TRIM52: variants seen among roughly 807,000 people sequenced by gnomAD.
TRIM52 encodes E3 ubiquitin-protein ligase TRIM52.
A neutral mutation model predicts 27.0 loss-of-function variants in TRIM52; 24 were observed. The ratio of observed to expected loss-of-function variants is 0.89; its 90% CI spans 0.64 to 1.25. The LOEUF (loss-of-function observed/expected upper bound fraction) is 1.25, where lower values mean the gene tolerates loss of function less well. Among genes scored for constraint, TRIM52 ranks in the 50% most tolerant of loss-of-function variants. The pLI is 0.00. For missense variants in TRIM52, 351 were observed against 354.7 expected (o/e 0.99, Z 0.08); for synonymous variants, 125 against 126.5 (o/e 0.99, Z 0.08).
downstream of TRIM52, among the ~76,000 whole-genome samples, chr5:181,251,997 T>C (rs556969503): frequency 6.6e-6 from 1 of 152,324 alleles, no homozygotes; most frequent in East Asian, 1.9e-4. Context: ...AGGCTCCAGC[T>C]CTAGCCCCAG....
At chr5:181,258,883 A>G (rs906434362) in intron 1 of TRIM52, 5 of 152,212 alleles carry the variant, frequency 3.3e-5, no homozygotes, top group Admixed American at 1.3e-4. Flanking sequence ...TGGTCAAAAA[A>G]CAATTTGAAA....
At chr5:181,258,256 G>A (rs1383366630) in intron 1 of TRIM52, 6 of 152,126 alleles carry the variant, frequency 3.9e-5, no homozygotes, top group Non-Finnish European at 4.4e-5. Context: ...TGGGCATGGT[G>A]GCATGTGCCT....
At chr5:181,257,139 C>A in intron 1 of TRIM52, 2 of 1,102,476 alleles carry the variant, frequency 1.8e-6, no homozygotes, top group Non-Finnish European at 2.2e-6. Flanking sequence ...TTAATGGTGC[C>A]CTTGGTCAAA....
At chr5:181,257,058 A>G in intron 1 of TRIM52, 199 bp from the exon 2 acceptor site, 1 of 1,003,842 alleles carries the variant, frequency 1.0e-6, no homozygotes, top group Non-Finnish European at 1.2e-6. Context: ...GTTATGCCTG[A>G]TCCCCAATAA....
In TRIM52 at chr5:181,256,086, G is replaced by C. The variant is rs1759763827; in HGVS notation, c.*723C>G. ...GGTAATCAGTGAAAGTTCATGCTTG[G>C]TGGTGACAGCTGCAGTACATCTTGA... On this transcript the variant is annotated 3_prime_UTR_variant, in exon 2 of 2. Coordinates refer to ENST00000688015, the MANE Select transcript of TRIM52 (RefSeq NM_001346048.2). 1 of 152,196 alleles carries C rather than the reference G, an allele frequency of 6.6e-6. No individual in the cohort carries two copies. 9.4% of individuals were successfully genotyped at this position (152,196 alleles called of 1,614,324 possible). A position where few individuals can be genotyped will look rare whatever the true frequency, so the allele number is the denominator to read the frequency against.
In TRIM52 at chr5:181,255,178, A is replaced by G. The variant is rs1350371005; in HGVS notation, c.*1631T>C. On this transcript the variant is annotated 3_prime_UTR_variant, in exon 2 of 2. Coordinates refer to ENST00000688015, the MANE Select transcript of TRIM52 (RefSeq NM_001346048.2). ...TAGAAGGAAAAAATTTATTCAGATG[A>G]TGTGATAGCCATGTCACTGTTAAGC... is the stretch of plus-strand genomic sequence containing the variant. The G allele has an allele frequency of 6.6e-6, 1 of 152,210 alleles. No individual in the cohort carries two copies. Among genetic ancestry groups the G allele is most frequent in the Non-Finnish European group, 1.5e-5 (1 of 68,044 alleles). The allele number at this position is 152,210 out of a possible 1,614,324, so 9.4% of individuals were successfully genotyped here. A position where few individuals can be genotyped will look rare whatever the true frequency, so the allele number is the denominator to read the frequency against.
chr5:181,250,119 C>T (rs1242284632), downstream of TRIM52, among the ~76,000 whole-genome samples: 1 of 150,700 alleles, frequency 6.6e-6, no homozygotes, highest in Non-Finnish European at 1.5e-5. Context: ...AGCAGTCCCC[C>T]AGAAAGCATT....
At chr5:181,249,627 G>A (rs968900745), downstream of TRIM52, among the ~76,000 whole-genome samples, 20 of 151,758 alleles carry the variant, frequency 1.3e-4, no homozygotes, top group Admixed American at 1.1e-3. Context: ...AGTGAGCTAT[G>A]ATCACATCAC....
intron 1 of TRIM52, 117 bp from the exon 2 acceptor site, chr5:181,256,976 TCTG>T (rs1759807611): frequency 1.0e-6 from 1 of 986,972 alleles, no homozygotes; most frequent in African/African-American, 1.7e-5. Flanking sequence ...GATGGAAGCA[TCTG>T]GTCCCTCTTG....
Position 181,260,921 on chromosome 5 carries a change from C to G in TRIM52, c.-108G>C. 2.1e-6 allele frequency: 3 copies of G among 1,442,048 alleles called. No homozygotes were observed. Among genetic ancestry groups the G allele is most frequent in the Non-Finnish European group, 2.7e-6 (3 of 1,094,256 alleles). 89.3% of individuals were successfully genotyped at this position (1,442,048 alleles called of 1,614,324 possible). ...TCTGGTGACCCGAGGCTGTCCTCAA[C>G]CTTGCTCTTCTTCCTCGGGGCCGCA... On this transcript the variant is annotated 5_prime_UTR_variant, in exon 1 of 2. Coordinates refer to ENST00000688015, the MANE Select transcript of TRIM52 (RefSeq NM_001346048.2). This position sits in a 1 kb window ranked among gnomAD's most constrained non-coding sequence, Gnocchi z 4.4.
chr5:181,256,799 T>G lies in TRIM52; in HGVS notation c.*10A>C. 1 of 985,188 alleles carries G rather than the reference T, an allele frequency of 1.0e-6. No homozygotes were observed. The highest frequency in any genetic ancestry group is 1.2e-6 in the Non-Finnish European group (1 of 829,696). The allele number at this position is 985,188 out of a possible 1,614,324, so 61.0% of individuals were successfully genotyped here. ...TTAATGGCATGAATTTAACAGTGTT[T>G]GGCATGGTGTCACTGCCCAACACTT... is the stretch of plus-strand genomic sequence containing the variant. On this transcript the variant is annotated 3_prime_UTR_variant, in exon 2 of 2. Transcript: ENST00000688015.
Position 181,260,097 on chromosome 5 carries a change from C to G in TRIM52, c.717G>C (p.Glu239Asp). The G allele has an allele frequency of 1.2e-6, 2 of 1,614,216 alleles. No homozygotes were observed. Among genetic ancestry groups the G allele is most frequent in the African/African-American group, 1.3e-5 (1 of 75,064 alleles). ...KHQEALKLFC[E>D]VDKEAICVVC... The stretch of plus-strand genomic sequence containing the variant: ...CCACACAGATGGCCTCTTTGTCCAC[C>G]TCACAGAAGAGTTTCAGGGCTTCCT... The change falls in exon 1 of 2, where the codon GAG becomes GAC. Residue 239 changes from glutamate (E) to aspartate (D), a missense_variant. Transcript: ENST00000688015. This position sits in a 1 kb window ranked among gnomAD's most constrained non-coding sequence, Gnocchi z 4.4.
At chr5:181,257,978 G>C (rs892096698) in intron 1 of TRIM52, 1 of 151,768 alleles carries the variant, frequency 6.6e-6, no homozygotes, top group African/African-American at 2.4e-5. Flanking sequence ...GACAGAGCGA[G>C]ACTCCAGCTC....
rs7720110 is a variant in TRIM52 at position 181,257,293 on chromosome 5, T to G, written c.814-434A>C. The G allele has an allele frequency of 6.3e-4, 823 of 1,310,832 alleles. 5 individuals are homozygous for G. In the African/African-American group the frequency reaches 0.011, roughly 18 times the overall value. The allele number at this position is 1,310,832 out of a possible 1,614,324, so 81.2% of individuals were successfully genotyped here. A position where few individuals can be genotyped will look rare whatever the true frequency, so the allele number is the denominator to read the frequency against. On this transcript the variant is annotated intron_variant, in intron 1 of 1. Coordinates refer to ENST00000688015, the MANE Select transcript of TRIM52 (RefSeq NM_001346048.2). ...AGCCTCTTCTTACAGAAAATCAAAT[T>G]TTAAAAGAACATTGACCTCAAAACA... is the stretch of plus-strand genomic sequence containing the variant.
chr5:181,259,976 C>A, intron 1 of TRIM52, 25 bp downstream of exon 1: 1 of 1,612,910 alleles, frequency 6.2e-7, no homozygotes, highest in South Asian at 1.1e-5. Flanking sequence ...CCCTTCATCC[C>A]CCCACATTCC....
chr5:181,257,451 T>A (rs745588202), intron 1 of TRIM52: 1 of 1,613,192 alleles, frequency 6.2e-7, no homozygotes, highest in African/African-American at 1.3e-5. Context: ...GCTTTCTTGC[T>A]CTATCTGAAG....
chr5:181,257,108 C>G, intron 1 of TRIM52: 1 of 1,054,494 alleles, frequency 9.5e-7, no homozygotes, highest in Middle Eastern at 4.4e-4. Context: ...CACCCGTCTG[C>G]TTCCTAAAAC....
rs1760048164 is a variant in TRIM52 at position 181,261,059 on chromosome 5, T to C, written c.-246A>G. ...TGCAGCCCCCAGCTGCTCGGTCCTG[T>C]CACGTCTCTCGCTACCCTCAGGGTG... On this transcript the variant is annotated 5_prime_UTR_variant, in exon 1 of 2. Coordinates refer to ENST00000688015, the MANE Select transcript of TRIM52 (RefSeq NM_001346048.2). 1.9e-6 allele frequency: 1 copy of C among 516,784 alleles called. No homozygotes were observed. The highest frequency in any genetic ancestry group is 3.4e-6 in the Non-Finnish European group (1 of 295,012). 32.0% of individuals were successfully genotyped at this position (516,784 alleles called of 1,614,324 possible). A position where few individuals can be genotyped will look rare whatever the true frequency, so the allele number is the denominator to read the frequency against.
chr5:181,250,017 C>T (rs1759602022), downstream of TRIM52, among the ~76,000 whole-genome samples: 1 of 151,818 alleles, frequency 6.6e-6, no homozygotes, highest in South Asian at 2.1e-4. Context: ...AGGGTGTCAC[C>T]ATGTTGGCCA....
Sources: allele counts gnomAD v4.1 joint callset (sites outside exome capture counted in the v4.1 genomes callset), GRCh38; gene constraint gnomAD v4.1.1; non-coding constraint Gnocchi (gnomAD v3.1); transcripts MANE v1.5; gene names NCBI Gene and HGNC (gene_info 2026-07-23, HGNC 2026-07-21).